The following EPB41L1 variants were observed in gnomAD, a reference collection of about 807,000 sequenced individuals.
EPB41L1 encodes band 4.1-like protein 1.
EPB41L1 carries 29 observed loss-of-function variants against 97.8 expected under a neutral mutation model. That is an observed-to-expected ratio of 0.30 (90% confidence interval 0.22 to 0.40). EPB41L1 has a LOEUF of 0.40. EPB41L1 is among the 10% of genes least tolerant of loss of function. EPB41L1 has a pLI of 1.00. For missense variants in EPB41L1, 812 were observed against 1,162.3 expected, an observed-to-expected ratio of 0.70 and a Z score of 4.38; for synonymous variants, 383 against 459.2, an observed-to-expected ratio of 0.83 and a Z score of 2.12.
At chr20:36,203,177 C>G (rs572322273) in intron 14 of EPB41L1, among the ~76,000 whole-genome samples, 1 of 152,354 alleles carries the variant, frequency 6.6e-6, no homozygotes, top group South Asian at 2.1e-4. Flanking sequence ...TCTACCCGTG[C>G]CTTCGCACCG....
intron 2 of EPB41L1, among the ~76,000 whole-genome samples, chr20:36,132,773 C>T (rs2059269031): frequency 6.6e-6 from 1 of 152,102 alleles, no homozygotes; most frequent in African/African-American, 2.4e-5. Flanking sequence ...AGGCAGTGCA[C>T]CTGTGATAGT....
intron 1 of EPB41L1, among the ~76,000 whole-genome samples, chr20:36,167,200 T>G (rs1410416396): frequency 6.6e-6 from 1 of 151,972 alleles, no homozygotes; most frequent in Non-Finnish European, 1.5e-5. Context: ...AGACTATCAT[T>G]AAGGACAAAG....
At chr20:36,102,207 A>G (rs1417326696) in intron 1 of EPB41L1, among the ~76,000 whole-genome samples, 1 of 152,060 alleles carries the variant, frequency 6.6e-6, no homozygotes, top group Non-Finnish European at 1.5e-5. Context: ...GATGGTTCTC[A>G]GATTGCCCTT....
chr20:36,188,633 CACACACACAGAGAGAG>C (rs934910264), intron 9 of EPB41L1, 134 bp downstream of exon 9: 6 of 587,450 alleles, frequency 1.0e-5, no homozygotes, highest in African/African-American at 9.1e-5. Context: ...CACACACACA[CACACACACAGAGAGAG>C]AGAGAGAGAG....
intron 14 of EPB41L1, chr20:36,205,757 A>C: frequency 8.6e-7 from 1 of 1,168,226 alleles, no homozygotes. Flanking sequence ...TTTCAGTGGT[A>C]GATTGGTCCC....
intron 14 of EPB41L1, among the ~76,000 whole-genome samples, chr20:36,199,369 A>G (rs1026309942): frequency 6.6e-6 from 1 of 152,222 alleles, no homozygotes; most frequent in East Asian, 1.9e-4. Context: ...ACCAAATCAC[A>G]TAAAGACCAG....
chr20:36,211,808 C>T (rs1348051263), intron 15 of EPB41L1, among the ~76,000 whole-genome samples: 3 of 152,026 alleles, frequency 2.0e-5, no homozygotes, highest in Non-Finnish European at 2.9e-5. Flanking sequence ...GAGCCGAGAT[C>T]GCACCATCGC....
chr20:36,103,905 C>T (rs1836088213), intron 1 of EPB41L1, among the ~76,000 whole-genome samples: 6 of 152,046 alleles, frequency 3.9e-5, no homozygotes, highest in South Asian at 4.2e-4. Flanking sequence ...AGGGTTTCAC[C>T]GTGTTAGCCA....
chr20:36,168,604 C>T (rs1191766907), intron 1 of EPB41L1, among the ~76,000 whole-genome samples: 1 of 151,510 alleles, frequency 6.6e-6, no homozygotes, highest in African/African-American at 2.4e-5. Context: ...GATCTCGGCT[C>T]ACTGCAACCT....
At chr20:36,200,867 C>T (rs1220599727) in intron 14 of EPB41L1, 3 of 456,564 alleles carry the variant, frequency 6.6e-6, no homozygotes, top group Non-Finnish European at 1.3e-5. Flanking sequence ...TGGGCCTCCC[C>T]TGCAGTCCCA....
At chr20:36,179,536 G>C (rs1306677872) in intron 5 of EPB41L1, among the ~76,000 whole-genome samples, 5 of 152,266 alleles carry the variant, frequency 3.3e-5, no homozygotes, top group Admixed American at 2.6e-4. Context: ...GGCCCAGAGA[G>C]AGAAAGCATG....
chr20:36,179,778 ACT>A (rs1284696262), intron 5 of EPB41L1, among the ~76,000 whole-genome samples: 1 of 152,036 alleles, frequency 6.6e-6, no homozygotes, highest in Non-Finnish European at 1.5e-5. Flanking sequence ...ATGCCAGCTG[ACT>A]CTGCAGGAGG....
intron 11 of EPB41L1, among the ~76,000 whole-genome samples, chr20:36,192,450 A>G (rs1166048448): frequency 2.0e-5 from 3 of 150,726 alleles, no homozygotes; most frequent in Admixed American, 2.0e-4. Flanking sequence ...GAATCACTTG[A>G]ACCCGGGAGA....
intron 2 of EPB41L1, among the ~76,000 whole-genome samples, chr20:36,123,168 A>G (rs1600418211): frequency 6.6e-6 from 1 of 152,120 alleles, no homozygotes; most frequent in South Asian, 2.1e-4. Flanking sequence ...GAACGTCTCC[A>G]TGATCGGGGG....
Position 36,185,328 on chromosome 20 carries a change from A to G in EPB41L1, c.778A>G (p.Thr260Ala). The G allele has an allele frequency of 2.5e-6, 4 of 1,612,642 alleles. No homozygotes were observed. Among genetic ancestry groups the G allele is most frequent in the Non-Finnish European group, 2.5e-6 (3 of 1,179,982 alleles). ...GGAGAGGATCATGGAGCTGCATAAG[A>G]CATATAGGTAAGAGGGTGCCAGCCA... The part of the protein sequence containing the change: ...LEERIMELHK[T>A]YRGMTPGEAE... Residue 260 changes from threonine to alanine, a missense_variant, in exon 7 of 22, where the codon ACA becomes GCA. By Grantham distance (58) the Thr-to-Ala change is moderately conservative. Coordinates refer to ENST00000338074, the MANE Select transcript of EPB41L1 (RefSeq NM_012156.2).
At chr20:36,211,758 G>A (rs2063147919) in intron 15 of EPB41L1, among the ~76,000 whole-genome samples, 1 of 152,144 alleles carries the variant, frequency 6.6e-6, no homozygotes, top group African/African-American at 2.4e-5. Flanking sequence ...GGAGGCTGAG[G>A]TAGGGGAATC....
chr20:36,197,829 A>G, intron 13 of EPB41L1, 30 bp from the exon 14 acceptor site: 1 of 1,613,914 alleles, frequency 6.2e-7, no homozygotes. Context: ...CTGTTCCCCT[A>G]ACACCACCAC....
In EPB41L1 at chr20:36,136,433, GCCT is replaced by G. The variant is rs1397915954; in HGVS notation, c.-10+23956_-10+23958del. ...GGCCTCAAGTGATCCAACTGCCTCA[GCCT>G]CCCACAGTGCTGAGATTATAGGTGT... is the stretch of plus-strand genomic sequence containing the variant. On this transcript the variant is annotated intron_variant, in intron 2 of 19. Coordinates refer to the EPB41L1 transcript ENST00000202028. 6.7e-5 allele frequency among the ~76,000 whole-genome samples: 10 copies of G among 148,714 alleles called. No homozygotes were observed. In the East Asian group the frequency reaches 2.0e-3, roughly 30 times the overall value.
chr20:36,207,910 C>T lies in EPB41L1; in HGVS notation c.1669-1578C>T. On this transcript the variant is annotated intron_variant, in intron 14 of 21. Coordinates refer to ENST00000338074, the MANE Select transcript of EPB41L1 (RefSeq NM_012156.2). The surrounding 1 kb of genome is among the most constrained non-coding windows in gnomAD (Gnocchi z 4.9). ...TTTCTGCAATCAGAGGCTGCTTATCCATCCCTGTGAGTTTTTTCCCTAAAC... is the reference window on the plus strand; with the variant it reads ...TTTCTGCAATCAGAGGCTGCTTATCTATCCCTGTGAGTTTTTTCCCTAAAC... 9.5e-7 allele frequency: 1 copy of T among 1,051,182 alleles called. No homozygotes were observed. Among genetic ancestry groups the T allele is most frequent in the Non-Finnish European group, 1.2e-6 (1 of 812,932 alleles). The allele number at this position is 1,051,182 out of a possible 1,614,324, so 65.1% of individuals were successfully genotyped here.
Sources: gnomAD v4.1 joint callset for allele counts (sites outside exome capture counted in the v4.1 genomes callset) on GRCh38, gnomAD v4.1.1 for gene constraint, Gnocchi (gnomAD v3.1) non-coding constraint, MANE v1.5 for transcripts, NCBI Gene and HGNC (gene_info 2026-07-23, HGNC 2026-07-21) for gene names.